ARHGEF6: variants seen among roughly 807,000 people sequenced by gnomAD.
ARHGEF6 encodes rho guanine nucleotide exchange factor 6.
A neutral mutation model predicts 70.3 loss-of-function variants in ARHGEF6; 9 were observed. That is an observed-to-expected ratio of 0.13 (90% CI 0.08 to 0.22). The LOEUF (loss-of-function observed/expected upper bound fraction) is 0.22. ARHGEF6 is among the 10% of genes least tolerant of loss of function. The pLI is 1.00. For missense variants in ARHGEF6, 470 were observed against 563.0 expected (o/e 0.83, Z 1.67); for synonymous variants, 201 against 207.8 (o/e 0.97, Z 0.28).
chrX:136,775,568 T>C (rs1179830944), intron 2 of ARHGEF6, among the ~76,000 whole-genome samples: 2 of 111,899 alleles, frequency 1.8e-5, no homozygotes, highest in African/African-American at 6.5e-5. Context: ...AAGCCATCTA[T>C]GACAAACCCA....
chrX:136,712,195 G>A (rs1236587232), intron 7 of ARHGEF6, among the ~76,000 whole-genome samples: 1 of 111,240 alleles, frequency 9.0e-6, no homozygotes, highest in African/African-American at 3.3e-5. Flanking sequence ...TGCAGCCTCC[G>A]CCTCCCAGGC....
chrX:136,763,444 A>G (rs1199354817), intron 2 of ARHGEF6, among the ~76,000 whole-genome samples: 2 of 111,500 alleles, frequency 1.8e-5, no homozygotes, highest in East Asian at 2.8e-4. Flanking sequence ...TTCTCTGAGT[A>G]CTCAGTCATT....
chrX:136,759,879 C>T (rs944214396), intron 2 of ARHGEF6, among the ~76,000 whole-genome samples: 24 of 111,944 alleles, frequency 2.1e-4, no homozygotes, highest in African/African-American at 7.8e-4. Flanking sequence ...TGGATTTTAC[C>T]AGATTTGCCT....
chrX:136,778,214 A>G (rs2077421518), intron 2 of ARHGEF6, among the ~76,000 whole-genome samples: 1 of 111,908 alleles, frequency 8.9e-6, no homozygotes, highest in Admixed American at 9.5e-5. Flanking sequence ...GTAGGTAGGA[A>G]GACTGAGGCC....
intron 5 of ARHGEF6, among the ~76,000 whole-genome samples, chrX:136,739,287 T>A (rs1216484912): frequency 8.9e-6 from 1 of 112,185 alleles, no homozygotes; most frequent in Non-Finnish European, 1.9e-5. Context: ...AATCAAATTG[T>A]TTCTTCACTG....
intron 2 of ARHGEF6, among the ~76,000 whole-genome samples, chrX:136,765,774 G>A (rs1321064304): frequency 8.9e-6 from 1 of 112,762 alleles, no homozygotes; most frequent in East Asian, 2.8e-4. Flanking sequence ...GTATGACTTC[G>A]ATTAACTAAA....
At chrX:136,737,025 G>C (rs2076992402) in intron 5 of ARHGEF6, among the ~76,000 whole-genome samples, 1 of 111,775 alleles carries the variant, frequency 8.9e-6, no homozygotes, top group Non-Finnish European at 1.9e-5. Context: ...CCACCCTCCA[G>C]GCTGCATGTA....
chrX:136,759,955 A>G (rs1393414928), intron 2 of ARHGEF6, among the ~76,000 whole-genome samples: 1 of 112,229 alleles, frequency 8.9e-6, no homozygotes, highest in East Asian at 2.8e-4. Flanking sequence ...ACGTGACTAC[A>G]TGCTGTTTTG....
chrX:136,685,890 G>A lies in ARHGEF6; in HGVS notation c.1246-67C>T, dbSNP rs759507044. 122 of 1,119,240 alleles carry A rather than the reference G, an allele frequency of 1.1e-4. 1 individual carries two copies. The East Asian group carries it at 3.2e-3, about 29-fold the overall frequency. 92.2% of individuals were successfully genotyped at this position (1,119,240 alleles called of 1,213,427 possible). A position where few individuals can be genotyped will look rare whatever the true frequency, so the allele number is the denominator to read the frequency against. ...TGAAATAGACTAAAATAAGACCAAA[G>A]TAAGATGTGGCTTCTGACTCTTTGG... On this transcript the variant is annotated intron_variant, in intron 11 of 21. Coordinates refer to ENST00000250617, the MANE Select transcript of ARHGEF6 (RefSeq NM_004840.3).
chrX:136,698,406 C>G (rs1426697096), intron 9 of ARHGEF6, among the ~76,000 whole-genome samples: 1 of 111,388 alleles, frequency 9.0e-6, no homozygotes, highest in Non-Finnish European at 1.9e-5. Flanking sequence ...CCCACACATA[C>G]AAGAAGCTCA....
chrX:136,745,471 TATGAAC>T (rs1447089788), intron 3 of ARHGEF6, 124 bp from the exon 4 acceptor site: 1 of 899,171 alleles, frequency 1.1e-6, no homozygotes, highest in Non-Finnish European at 1.6e-6. Context: ...CTGTTATCAT[TATGAAC>T]ATGCCAAGTG....
At chrX:136,766,050 G>A (rs1201441239) in intron 2 of ARHGEF6, among the ~76,000 whole-genome samples, 1 of 112,712 alleles carries the variant, frequency 8.9e-6, no homozygotes, top group Non-Finnish European at 1.9e-5. Flanking sequence ...TATGTAAGAA[G>A]GGACTGCAGC....
intron 6 of ARHGEF6, among the ~76,000 whole-genome samples, chrX:136,714,141 A>C (rs1486700402): frequency 8.9e-6 from 1 of 112,195 alleles, no homozygotes; most frequent in African/African-American, 3.2e-5. Flanking sequence ...AATAAAAATT[A>C]TCATTATTAT....
intron 6 of ARHGEF6, among the ~76,000 whole-genome samples, chrX:136,727,310 T>TCTTC (rs1463223856): frequency 3.6e-5 from 2 of 56,260 alleles, no homozygotes; most frequent in African/African-American, 2.5e-4. Flanking sequence ...CTGTAGTCTT[T>TCTTC]CTTTCTTTCT....
In ARHGEF6 at chrX:136,745,257, G is replaced by A. The variant is rs1410573376; in HGVS notation, c.425C>T (p.Thr142Ile). 6.6e-6 allele frequency: 8 copies of A among 1,211,854 alleles called. No homozygotes were observed. The South Asian group carries it at 1.1e-4, about 16-fold the overall frequency. Residue 142 changes from threonine (T) to isoleucine (I), a missense_variant, in exon 4 of 22, where the codon ACA (threonine) becomes ATA (isoleucine). By Grantham distance (89) the Thr-to-Ile change is moderately conservative. Coordinates refer to ENST00000250617, the MANE Select transcript of ARHGEF6 (RefSeq NM_004840.3). ...TGACTGCCTTTGCAGCCCTGAAACT[G>A]TGCTAGAAACTGCTCCCTGTGGGTT... is the stretch of plus-strand genomic sequence containing the variant. ...QTNPQGAVSS[T>I]VSGLQRQSKT...
chrX:136,747,735 T>C, intron 2 of ARHGEF6, 143 bp from the exon 3 acceptor site: 1 of 436,130 alleles, frequency 2.3e-6, no homozygotes, highest in Non-Finnish European at 3.8e-6. Context: ...AACCTCCATA[T>C]ACCTTTGGGA....
At chrX:136,682,413 T>A (rs2076341250) in intron 13 of ARHGEF6, among the ~76,000 whole-genome samples, 1 of 112,176 alleles carries the variant, frequency 8.9e-6, no homozygotes, top group Non-Finnish European at 1.9e-5. Flanking sequence ...GCTGTGACTA[T>A]AATAAGACAA....
intron 2 of ARHGEF6, among the ~76,000 whole-genome samples, chrX:136,749,257 C>T (rs757496464): frequency 1.1e-3 from 118 of 111,369 alleles, no homozygotes; most frequent in African/African-American, 3.3e-3. Flanking sequence ...CTAGTATCTC[C>T]GGGGATTTCA....
chrX:136,698,980 G>A (rs1478826127), intron 9 of ARHGEF6, among the ~76,000 whole-genome samples: 1 of 111,750 alleles, frequency 8.9e-6, no homozygotes, highest in African/African-American at 3.2e-5. Context: ...ACCACAGCAT[G>A]AAGGAGAAAG....
Sources: allele counts gnomAD v4.1 joint callset (sites outside exome capture counted in the v4.1 genomes callset), GRCh38; gene constraint gnomAD v4.1.1; transcripts MANE v1.5; gene names NCBI Gene and HGNC (gene_info 2026-07-23, HGNC 2026-07-21).